SYT14: variants seen among roughly 807,000 people sequenced by gnomAD.
SYT14 encodes synaptotagmin 14.
In SYT14, 32 loss-of-function variants were observed where a neutral mutation model predicts 74.2. That is an observed-to-expected ratio of 0.43 (90% CI 0.33 to 0.58). The LOEUF (loss-of-function observed/expected upper bound fraction) is 0.58, where lower values mean the gene tolerates loss of function less well. Ranked by LOEUF, SYT14 falls within the 20% of genes least tolerant of loss-of-function variation. The pLI, the probability that SYT14 is intolerant of heterozygous loss-of-function variation, is 0.05. For missense variants in SYT14, 791 were observed against 981.8 expected (o/e 0.81, Z 2.60); for synonymous variants, 298 against 337.7 (o/e 0.88, Z 1.29).
chr1:210,030,702 TATG>T (rs539458822), intron 5 of SYT14, among the ~76,000 whole-genome samples: 2 of 152,208 alleles, frequency 1.3e-5, no homozygotes, highest in South Asian at 4.1e-4. Context: ...TATCATTGAG[TATG>T]ATGAGGTGAG....
In SYT14 at chr1:210,096,388, A is replaced by G. The variant is rs185322570; in HGVS notation, c.1584+1795A>G. Among the ~76,000 whole-genome samples the G allele has an allele frequency of 3.9e-5, 6 of 152,272 alleles. No homozygotes were observed. The East Asian group carries it at 9.6e-4, about 24-fold the overall frequency. On this transcript the variant is annotated intron_variant, in intron 6 of 9. Coordinates refer to ENST00000637265, the Ensembl canonical transcript of SYT14. ...GTGTGTGCATGTGTGTGTGTGAGAG[A>G]GAGAGAAAGAGAGTGTGTTTTAGTC...
intron 7 of SYT14, among the ~76,000 whole-genome samples, chr1:210,111,963 G>T (rs12408689): frequency 0.033 from 4,937 of 151,182 alleles, 599 homozygotes; most frequent in Admixed American, 0.23. Context: ...GAAGGTTGAG[G>T]GTGGTAAGGG....
chr1:210,105,181 T>G (rs1325808783), intron 7 of SYT14, among the ~76,000 whole-genome samples: 3 of 152,204 alleles, frequency 2.0e-5, no homozygotes, highest in Non-Finnish European at 4.4e-5. Context: ...TAACAAGCAC[T>G]GTACATGATT....
chr1:209,990,570 T>TATATATAC (rs375351414), intron 2 of SYT14, among the ~76,000 whole-genome samples: 4 of 135,990 alleles, frequency 2.9e-5, no homozygotes, highest in African/African-American at 1.0e-4. Flanking sequence ...CGTATATATA[T>TATATATAC]GTATGTATAT....
At chr1:210,012,175 C>A (rs1292892110) in intron 2 of SYT14, among the ~76,000 whole-genome samples, 1 of 152,172 alleles carries the variant, frequency 6.6e-6, no homozygotes. Flanking sequence ...AAAATATAAT[C>A]ATAGAGTCCA....
At chr1:210,033,639 C>A (rs998268535) in intron 5 of SYT14, among the ~76,000 whole-genome samples, 1 of 151,638 alleles carries the variant, frequency 6.6e-6, no homozygotes, top group Admixed American at 6.6e-5. Flanking sequence ...TGCCATCCAC[C>A]AAAAGTAAGA....
Position 210,016,593 on chromosome 1 carries a change from TGAAAG to T in SYT14, c.595_599del (p.Gly199SerfsTer12), listed in dbSNP as rs1459707435. On this transcript the variant is annotated frameshift_variant, in exon 4 of 10. Coordinates refer to ENST00000637265, the Ensembl canonical transcript of SYT14. LOFTEE classifies it high-confidence loss of function. ...TTAAAGGAGGTAGGATATCAAGAAATGAAAGGAAATCAGAAGAATGCCAACGGAAT... is the reference window on the plus strand; with the variant it reads ...TTAAAGGAGGTAGGATATCAAGAAATGAAATCAGAAGAATGCCAACGGAAT... 5 of 1,231,772 alleles carry T rather than the reference TGAAAG, an allele frequency of 4.1e-6. No homozygotes were observed. The highest frequency in any genetic ancestry group is 5.1e-6 in the Non-Finnish European group (5 of 987,848). 76.3% of individuals were successfully genotyped at this position (1,231,772 alleles called of 1,614,324 possible).
At chr1:210,140,436 A>G (rs1425907601) in intron 7 of SYT14, among the ~76,000 whole-genome samples, 2 of 149,142 alleles carry the variant, frequency 1.3e-5, no homozygotes, top group African/African-American at 5.2e-5. Flanking sequence ...AAGTGATTTG[A>G]TAATATTTCC....
chr1:210,100,084 A>G, exon 7 of SYT14: 2 of 1,614,140 alleles, frequency 1.2e-6, no homozygotes, highest in Non-Finnish European at 8.5e-7. Context: ...TAAATATGGC[A>G]CACTGGATGT....
rs2080291114 is a variant in SYT14 at position 210,021,050 on chromosome 1, A to C, written c.1108A>C (p.Met370Leu). ...GTCATTCCAAATAGATAATTCCTAC[A>C]TGGACAAAGATGAGCATGGTTCATC... Residue 370 changes from methionine (M) to leucine (L), a missense_variant, in exon 5 of 10, where the codon ATG (methionine) becomes CTG (leucine). Transcript: ENST00000637265. The C allele has an allele frequency of 4.3e-6, 7 of 1,613,686 alleles. No individual in the cohort carries two copies. Among genetic ancestry groups the C allele is most frequent in the Non-Finnish European group, 5.9e-6 (7 of 1,179,770 alleles).
intron 2 of SYT14, among the ~76,000 whole-genome samples, chr1:209,981,297 T>A (rs1237091307): frequency 1.3e-5 from 2 of 152,186 alleles, no homozygotes; most frequent in African/African-American, 4.8e-5. Context: ...TAAGGATCTC[T>A]TGTAAAGCTC....
chr1:210,092,813 T>A (rs2081899294), intron 5 of SYT14, among the ~76,000 whole-genome samples: 1 of 152,210 alleles, frequency 6.6e-6, no homozygotes, highest in Non-Finnish European at 1.5e-5. Flanking sequence ...AAATGTATGG[T>A]TTCATCTGTA....
chr1:209,961,271 C>G (rs1221614207), intron 2 of SYT14, among the ~76,000 whole-genome samples: 1 of 152,078 alleles, frequency 6.6e-6, no homozygotes, highest in East Asian at 1.9e-4. Context: ...AGGTGTAGAA[C>G]TATATTCTGA....
At chr1:210,126,368 G>T (rs984383347) in intron 7 of SYT14, among the ~76,000 whole-genome samples, 11 of 150,780 alleles carry the variant, frequency 7.3e-5, no homozygotes, top group Non-Finnish European at 1.5e-4. Flanking sequence ...TGCATAGAAA[G>T]GTTAACTGAA....
At chr1:210,096,735 T>C (rs1043863785) in intron 6 of SYT14, among the ~76,000 whole-genome samples, 1 of 152,246 alleles carries the variant, frequency 6.6e-6, no homozygotes, top group Non-Finnish European at 1.5e-5. Context: ...GTAGGTTTTA[T>C]CTGCATTTCT....
At chr1:209,969,480 T>C (rs2102745481) in intron 2 of SYT14, among the ~76,000 whole-genome samples, 1 of 149,980 alleles carries the variant, frequency 6.7e-6, no homozygotes, top group South Asian at 2.1e-4. Flanking sequence ...GGGTTGTTTT[T>C]TCTTTCTTTT....
chr1:210,094,607 C>G lies in SYT14; in HGVS notation c.1584+14C>G. On this transcript the variant is annotated intron_variant, in intron 6 of 9. Coordinates refer to ENST00000637265, the Ensembl canonical transcript of SYT14. ...CTGAGCCCTGAAGTAAGTAAAAGCA[C>G]ATAGAAGTTTGAAAATGAATGTTAT... is the stretch of plus-strand genomic sequence containing the variant. The G allele has an allele frequency of 6.2e-7, 1 of 1,613,490 alleles. No homozygotes were observed.
intron 8 of SYT14, among the ~76,000 whole-genome samples, chr1:210,157,625 C>T (rs867494569): frequency 1.1e-4 from 16 of 151,926 alleles, no homozygotes; most frequent in South Asian, 2.1e-4. Context: ...GCCTGTAATC[C>T]CAGCTACTTG....
intron 7 of SYT14, among the ~76,000 whole-genome samples, chr1:210,145,299 G>A (rs1022934906): frequency 2.0e-5 from 3 of 152,148 alleles, no homozygotes; most frequent in Admixed American, 6.5e-5. Flanking sequence ...CCCTGCTCAA[G>A]CACTCAGTCA....
Sources: gnomAD v4.1 joint callset for allele counts (sites outside exome capture counted in the v4.1 genomes callset) on GRCh38, gnomAD v4.1.1 for gene constraint, MANE v1.5 for transcripts, NCBI Gene and HGNC (gene_info 2026-07-23, HGNC 2026-07-21) for gene names.